CRTC3: variants seen among roughly 807,000 people sequenced by gnomAD.
CRTC3 encodes the protein CREB regulated transcription coactivator 3.
A neutral mutation model predicts 74.5 loss-of-function variants in CRTC3; 26 were observed. The ratio of observed to expected loss-of-function variants is 0.35; its 90% CI spans 0.26 to 0.48. CRTC3 has a LOEUF of 0.48. Ranked by LOEUF, CRTC3 falls within the 20% of genes least tolerant of loss-of-function variation. The pLI is 0.99. For missense variants in CRTC3, 760 were observed against 787.3 expected (o/e 0.97, Z 0.41); for synonymous variants, 377 against 325.8 (o/e 1.16, Z -1.69).
At chr15:90,641,868 T>A (rs540126468) in intron 14 of CRTC3, 64 bp from the exon 15 acceptor site, 13 of 1,438,558 alleles carry the variant, frequency 9.0e-6, no homozygotes, top group Middle Eastern at 2.4e-4. Context: ...CTGGGTTTGC[T>A]TAGTAGCCTG....
At chr15:90,543,943 T>A (rs928910414) in intron 2 of CRTC3, among the ~76,000 whole-genome samples, 1 of 152,182 alleles carries the variant, frequency 6.6e-6, no homozygotes, top group Non-Finnish European at 1.5e-5. Flanking sequence ...TGGAATCAAA[T>A]GTCCGTAGTC....
intron 7 of CRTC3, 107 bp from the exon 8 acceptor site, chr15:90,617,776 C>T (rs1968531697): frequency 1.4e-6 from 1 of 706,632 alleles, no homozygotes; most frequent in Non-Finnish European, 2.5e-6. Flanking sequence ...AGCGATCCTC[C>T]TGCCTCAGCC....
chr15:90,533,775 A>G (rs2151052907), intron 1 of CRTC3, among the ~76,000 whole-genome samples: 1 of 152,334 alleles, frequency 6.6e-6, no homozygotes, highest in African/African-American at 2.4e-5. Context: ...AATATCACCA[A>G]AACAGAAGTA....
intron 6 of CRTC3, among the ~76,000 whole-genome samples, chr15:90,607,846 A>T (rs959730028): frequency 6.6e-6 from 1 of 152,214 alleles, no homozygotes; most frequent in Non-Finnish European, 1.5e-5. Context: ...GATCTGAACA[A>T]ACTGAGAAAT....
chr15:90,612,100 G>A lies in CRTC3; in HGVS notation c.578-2353G>A, dbSNP rs1421158531. ...CTCCTCCGCCTCCTCCTCCGCCTCTGCCTCCTCCTCACACTGGGCATCCCC... is the reference window on the plus strand; with the variant it reads ...CTCCTCCGCCTCCTCCTCCGCCTCTACCTCCTCCTCACACTGGGCATCCCC... On this transcript the variant is annotated intron_variant, in intron 6 of 14. Coordinates refer to ENST00000268184, the MANE Select transcript of CRTC3 (RefSeq NM_022769.5). 1.7e-4 allele frequency among the ~76,000 whole-genome samples: 20 copies of A among 117,950 alleles called. No homozygotes were observed. In the Admixed American group the frequency reaches 1.9e-3, roughly 11 times the overall value. 77.4% of individuals were successfully genotyped at this position (117,950 alleles called of 152,430 possible).
chr15:90,596,263 A>C (rs1256457422), intron 3 of CRTC3: 1 of 152,176 alleles, frequency 6.6e-6, no homozygotes, highest in African/African-American at 2.4e-5. Context: ...GTAATGAGTG[A>C]GATTTAAGAG....
chr15:90,637,553 AAAT>A (rs1969285570), intron 11 of CRTC3, among the ~76,000 whole-genome samples: 1 of 152,016 alleles, frequency 6.6e-6, no homozygotes, highest in Non-Finnish European at 1.5e-5. Flanking sequence ...TAAAAAAATA[AAAT>A]ATTAAAGAAA....
chr15:90,535,648 C>T (rs1966707364), intron 1 of CRTC3, among the ~76,000 whole-genome samples: 1 of 125,274 alleles, frequency 8.0e-6, no homozygotes, highest in South Asian at 2.6e-4. Flanking sequence ...TCATTATTTT[C>T]ATGTGAAAAT....
At chr15:90,552,812 C>T (rs1047749149) in intron 2 of CRTC3, among the ~76,000 whole-genome samples, 7 of 152,168 alleles carry the variant, frequency 4.6e-5, no homozygotes, top group African/African-American at 1.4e-4. Flanking sequence ...AAACTGATTC[C>T]TTCCCAAGCA....
chr15:90,589,469 A>G (rs1567175520), intron 2 of CRTC3, among the ~76,000 whole-genome samples: 1 of 151,924 alleles, frequency 6.6e-6, no homozygotes, highest in East Asian at 1.9e-4. Context: ...CTGAGCCTCA[A>G]CCTCGGCCTC....
intron 3 of CRTC3, among the ~76,000 whole-genome samples, chr15:90,600,805 A>G (rs1251105394): frequency 6.6e-6 from 1 of 152,212 alleles, no homozygotes; most frequent in African/African-American, 2.4e-5. Context: ...GATGAAAAGT[A>G]TTATTGGTAA....
chr15:90,542,897 T>C (rs779599433), intron 2 of CRTC3, among the ~76,000 whole-genome samples: 2 of 152,138 alleles, frequency 1.3e-5, no homozygotes, highest in Non-Finnish European at 2.9e-5. Context: ...ATTCAGACTA[T>C]GCATCTTTGG....
intron 11 of CRTC3, among the ~76,000 whole-genome samples, chr15:90,635,506 G>A (rs967822196): frequency 5.9e-5 from 9 of 152,110 alleles, no homozygotes; most frequent in East Asian, 3.9e-4. Context: ...TTAGCCAGGC[G>A]TGTTAGCATG....
rs1969492550 is a variant in CRTC3 at position 90,642,670 on chromosome 15, C to G, written c.*530C>G. On this transcript the variant is annotated 3_prime_UTR_variant, in exon 15 of 15. Transcript: ENST00000268184. ...GCTGAGTGGACCCCACGGCTCTCTC[C>G]CACGCCTGGATTACGACATGAAGTT... The G allele has an allele frequency of 4.3e-6, 1 of 233,842 alleles. No individual in the cohort carries two copies. The highest frequency in any genetic ancestry group is 2.2e-5 in the African/African-American group (1 of 45,172). The allele number at this position is 233,842 out of a possible 1,614,324, so 14.5% of individuals were successfully genotyped here. A position where few individuals can be genotyped will look rare whatever the true frequency, so the allele number is the denominator to read the frequency against.
At chr15:90,618,957 G>T (rs1401310717) in intron 8 of CRTC3, among the ~76,000 whole-genome samples, 1 of 152,142 alleles carries the variant, frequency 6.6e-6, no homozygotes, top group Non-Finnish European at 1.5e-5. Flanking sequence ...CCTCCTCCCT[G>T]AGTACCAGGG....
chr15:90,599,670 A>T (rs1968017841), intron 3 of CRTC3: 1 of 152,212 alleles, frequency 6.6e-6, no homozygotes, highest in Non-Finnish European at 1.5e-5. Context: ...TATATTAAAA[A>T]TTTCCAGGAA....
At chr15:90,601,996 G>T (rs1397341166) in intron 3 of CRTC3, among the ~76,000 whole-genome samples, 1 of 152,188 alleles carries the variant, frequency 6.6e-6, no homozygotes, top group Admixed American at 6.5e-5. Flanking sequence ...AGAATCCTGG[G>T]CCTGGGTCCC....
In CRTC3 at chr15:90,530,118, G is replaced by A; in HGVS notation, c.47G>A (p.Ser16Asn). ...GGCAGCGCCAACCCGCGGAAGTTCAGTGAGAAGATCGCGCTGCACACGCAG... is the reference window on the plus strand; with the variant it reads ...GGCAGCGCCAACCCGCGGAAGTTCAATGAGAAGATCGCGCTGCACACGCAG... ...GSGSANPRKFSEKIALHTQRQ... is the reference protein window; with the variant it reads ...GSGSANPRKFNEKIALHTQRQ... The change falls in exon 1 of 15, where the codon AGT becomes AAT. Residue 16 changes from serine to asparagine, a missense_variant. Around this residue, in one of 2 missense-constraint regions of CRTC3, gnomAD observed 108 missense variants for 152.1 expected, o/e 0.71. Transcript: ENST00000268184. The surrounding 1 kb of genome is among the most constrained non-coding windows in gnomAD (Gnocchi z 6.2). 6.9e-7 allele frequency: 1 copy of A among 1,459,710 alleles called. No individual in the cohort carries two copies. 90.4% of individuals were successfully genotyped at this position (1,459,710 alleles called of 1,614,324 possible).
intron 2 of CRTC3, among the ~76,000 whole-genome samples, chr15:90,584,383 A>G (rs1335354467): frequency 6.6e-6 from 1 of 152,076 alleles, no homozygotes; most frequent in African/African-American, 2.4e-5. Flanking sequence ...GATTACAGGC[A>G]TGTACCACCA....
Sources: gnomAD v4.1 joint callset for allele counts (sites outside exome capture counted in the v4.1 genomes callset) on GRCh38, gnomAD v4.1.1 for gene constraint, gnomAD v4.1.1 regional missense constraint, Gnocchi (gnomAD v3.1) non-coding constraint, MANE v1.5 for transcripts, NCBI Gene and HGNC (gene_info 2026-07-23, HGNC 2026-07-21) for gene names.